The following CACNA1C variants were observed in gnomAD, a reference collection of about 807,000 sequenced individuals.
CACNA1C encodes the protein calcium voltage-gated channel subunit alpha1 C.
In CACNA1C, 30 loss-of-function variants were observed where a neutral mutation model predicts 229.0. The ratio of observed to expected loss-of-function variants is 0.13; its 90% CI spans 0.10 to 0.18. CACNA1C has a LOEUF of 0.18. CACNA1C is among the 10% of genes least tolerant of loss of function. The pLI is 1.00. For missense variants in CACNA1C, 1,658 were observed against 2,845.0 expected, an observed-to-expected ratio of 0.58 and a Z score of 9.49; for synonymous variants, 1,114 against 1,132.5, an observed-to-expected ratio of 0.98 and a Z score of 0.33.
chr12:2,520,689 C>T (rs2099807786), intron 9 of CACNA1C, among the ~76,000 whole-genome samples: 1 of 123,320 alleles, frequency 8.1e-6, no homozygotes, highest in African/African-American at 3.8e-5. Flanking sequence ...GGAGGGAAGC[C>T]ATGACAGTCT....
At chr12:2,177,201 A>G (rs576992699) in intron 3 of CACNA1C, among the ~76,000 whole-genome samples, 1 of 152,208 alleles carries the variant, frequency 6.6e-6, no homozygotes, top group South Asian at 2.1e-4. Context: ...CTGCTCGTGA[A>G]TTTCTGGGTG....
intron 1 of CACNA1C, among the ~76,000 whole-genome samples, chr12:2,077,876 CAT>C (rs1849292425): frequency 6.6e-6 from 1 of 152,202 alleles, no homozygotes; most frequent in Non-Finnish European, 1.5e-5. Context: ...GTATCAACCA[CAT>C]GTGTGGCACC....
intron 3 of CACNA1C, among the ~76,000 whole-genome samples, chr12:2,342,224 A>G (rs2096886126): frequency 6.6e-6 from 1 of 152,144 alleles, no homozygotes; most frequent in Non-Finnish European, 1.5e-5. Context: ...CCCTGAACTC[A>G]TGCTGGGTAT....
At chr12:2,105,760 C>G (rs1330453093) in intron 1 of CACNA1C, among the ~76,000 whole-genome samples, 4 of 107,286 alleles carry the variant, frequency 3.7e-5, no homozygotes, top group African/African-American at 8.5e-5. Flanking sequence ...GTTTCCACCT[C>G]AGCTGGGCGT....
rs775536781 is a variant in CACNA1C at position 2,567,751 on chromosome 12, G to A, written c.1852G>A (p.Val618Met). 11 of 1,613,036 alleles carry A rather than the reference G, an allele frequency of 6.8e-6. No homozygotes were observed. The highest frequency in any genetic ancestry group is 1.3e-5 in the African/African-American group (1 of 74,902). ...GATCATGTCCCCACTGGGCATCTCCGTGCTCAGATGCGTCCGGCTGCTGAG... is the reference window on the plus strand; with the variant it reads ...GATCATGTCCCCACTGGGCATCTCCATGCTCAGATGCGTCCGGCTGCTGAG... ...TKIMSPLGIS[V>M]LRCVRLLRIF... Residue 618 changes from valine to methionine, a missense_variant, in exon 13 of 47, where the codon GTG becomes ATG. Physicochemically the swap from Val to Met is conservative, Grantham distance 21 (BLOSUM62 1). Around this residue, in one of 20 missense-constraint regions of CACNA1C, gnomAD observed 30 missense variants for 96.6 expected, o/e 0.31. Coordinates refer to ENST00000399655, the MANE Select transcript of CACNA1C (RefSeq NM_000719.7).
intron 3 of CACNA1C, among the ~76,000 whole-genome samples, chr12:2,384,792 AAGAGGCCTTTGG>A (rs1409379860): frequency 1.3e-5 from 2 of 152,212 alleles, no homozygotes; most frequent in Admixed American, 6.5e-5. Flanking sequence ...AAGGCATTGC[AAGAGGCCTTTGG>A]AGAAATTCCT....
intron 3 of CACNA1C, among the ~76,000 whole-genome samples, chr12:2,195,917 A>C (rs748526162): frequency 1.4e-4 from 21 of 151,782 alleles, no homozygotes; most frequent in Non-Finnish European, 2.4e-4. Flanking sequence ...GGAGAAAAAG[A>C]CTCCTGAGGC....
At chr12:2,550,488 G>A in intron 10 of CACNA1C, 1 of 1,309,570 alleles carries the variant, frequency 7.6e-7, no homozygotes, top group South Asian at 1.2e-5. Flanking sequence ...GTGAGAAGAT[G>A]TTCTGGGAGA....
chr12:2,267,966 T>C (rs550992352), intron 3 of CACNA1C, among the ~76,000 whole-genome samples: 1 of 152,248 alleles, frequency 6.6e-6, no homozygotes, highest in South Asian at 2.1e-4. Flanking sequence ...GAAGAATGGG[T>C]ATTTAAAAAA....
chr12:2,674,577 T>C lies in CACNA1C; in HGVS notation c.4763T>C (p.Ile1588Thr). 1 of 1,574,180 alleles carries C rather than the reference T, an allele frequency of 6.4e-7. No homozygotes were observed. The highest frequency in any genetic ancestry group is 2.3e-5 in the East Asian group (1 of 42,850). Residue 1588 changes from isoleucine to threonine, a missense_variant, in exon 39 of 47, where the codon ATC becomes ACC. By Grantham distance (89) the Ile-to-Thr change is moderately conservative (BLOSUM62 -1). Coordinates refer to ENST00000399655, the MANE Select transcript of CACNA1C (RefSeq NM_000719.7). ...CAAGCCAATGAGGAGCTGCGGGCGA[T>C]CATCAAGAAGATCTGGAAGCGGACC... is the stretch of plus-strand genomic sequence containing the variant. Reference protein sequence around the residue: ...LEQANEELRAIIKKIWKRTSM... With the variant: ...LEQANEELRATIKKIWKRTSM...
At chr12:2,592,674 T>C (rs922954958) in intron 18 of CACNA1C, among the ~76,000 whole-genome samples, 6 of 151,620 alleles carry the variant, frequency 4.0e-5, no homozygotes, top group Non-Finnish European at 8.8e-5. Flanking sequence ...TGGTCAGTAG[T>C]ATTGCCCTGT....
intron 1 of CACNA1C, among the ~76,000 whole-genome samples, chr12:2,073,285 A>G (rs541233312): frequency 1.9e-4 from 29 of 152,316 alleles, no homozygotes; most frequent in African/African-American, 6.0e-4. Context: ...TTGAGTGGCT[A>G]TCTCTATGTC....
chr12:2,244,572 T>G (rs2072182269), intron 3 of CACNA1C, among the ~76,000 whole-genome samples: 1 of 152,146 alleles, frequency 6.6e-6, no homozygotes, highest in Admixed American at 6.5e-5. Flanking sequence ...CTTCCCTCTG[T>G]GTTTAGAGAG....
At chr12:2,246,944 C>A (rs981996691) in intron 3 of CACNA1C, among the ~76,000 whole-genome samples, 12 of 152,130 alleles carry the variant, frequency 7.9e-5, no homozygotes, top group African/African-American at 2.9e-4. Flanking sequence ...CCTTCCAGGC[C>A]GTTCTTCCCC....
Position 2,688,756 on chromosome 12 carries a change from A to G in CACNA1C, c.6094A>G (p.Ser2032Gly). ...AGAPGRQFHGSASSLVEAVLI... is the reference protein window; with the variant it reads ...AGAPGRQFHGGASSLVEAVLI... ...GGCCCCAGGGAGGCAGTTCCACGGC[A>G]GTGCCAGCAGCCTGGTGGAAGCGGT... is the stretch of plus-strand genomic sequence containing the variant. Residue 2032 changes from serine (S) to glycine (G), a missense_variant, in exon 46 of 47, where the codon AGT becomes GGT. Ser to Gly is a moderately conservative substitution (Grantham distance 56). Around this residue, in one of 20 missense-constraint regions of CACNA1C, gnomAD observed 590 missense variants for 700.8 expected, o/e 0.84. Coordinates refer to ENST00000399655, the MANE Select transcript of CACNA1C (RefSeq NM_000719.7). The G allele has an allele frequency of 6.4e-7, 1 of 1,565,132 alleles. No homozygotes were observed. Among genetic ancestry groups the G allele is most frequent in the Non-Finnish European group, 8.7e-7 (1 of 1,155,810 alleles).
At chr12:2,349,598 C>T (rs999464333) in intron 3 of CACNA1C, among the ~76,000 whole-genome samples, 1 of 152,064 alleles carries the variant, frequency 6.6e-6, no homozygotes, top group African/African-American at 2.4e-5. Context: ...TTGGCATTGC[C>T]ATGGGTGTGA....
chr12:2,631,490 G>C (rs1040086586), intron 29 of CACNA1C, among the ~76,000 whole-genome samples: 3 of 152,176 alleles, frequency 2.0e-5, no homozygotes, highest in African/African-American at 7.2e-5. Flanking sequence ...CTTATGCATA[G>C]CTGTAGTTCA....
Position 2,677,641 on chromosome 12 carries a change from T to C in CACNA1C, c.4957-92T>C. On this transcript the variant is annotated intron_variant, in intron 40 of 46. Coordinates refer to ENST00000399655, the MANE Select transcript of CACNA1C (RefSeq NM_000719.7). This position sits in a 1 kb window ranked among gnomAD's most constrained non-coding sequence, Gnocchi z 7.4. ...GGCTGGGTGGAGGATGCCAGGGCCC[T>C]GGAGGGACAGGTCTTGGCCCGAGGC... The C allele has an allele frequency of 6.9e-7, 1 of 1,446,466 alleles. No individual in the cohort carries two copies. Among genetic ancestry groups the C allele is most frequent in the Non-Finnish European group, 9.5e-7 (1 of 1,057,664 alleles). The allele number at this position is 1,446,466 out of a possible 1,614,324, so 89.6% of individuals were successfully genotyped here.
chr12:2,434,101 C>T lies in CACNA1C; in HGVS notation c.478-14875C>T, dbSNP rs563541186. 9.7e-4 allele frequency among the ~76,000 whole-genome samples: 147 copies of T among 152,260 alleles called. 3 individuals carry two copies. The highest frequency in any genetic ancestry group is 2.7e-3 in the African/African-American group (111 of 41,546). On this transcript the variant is annotated intron_variant, in intron 3 of 46. Transcript: ENST00000399655. ...ATGCTGCACTGGGGAGTCTCACCTG[C>T]GCTCCCTTCCTGCACCCGCTCCCTC... is the stretch of plus-strand genomic sequence containing the variant.
Sources: gnomAD v4.1 joint callset for allele counts (sites outside exome capture counted in the v4.1 genomes callset) on GRCh38, gnomAD v4.1.1 for gene constraint, gnomAD v4.1.1 regional missense constraint, Gnocchi (gnomAD v3.1) non-coding constraint, MANE v1.5 for transcripts, NCBI Gene and HGNC (gene_info 2026-07-23, HGNC 2026-07-21) for gene names.